CINP: variants seen among roughly 807,000 people sequenced by gnomAD.
CINP encodes the protein cyclin dependent kinase 2 interacting protein, also known as cyclin-dependent kinase 2-interacting protein.
CINP carries 11 observed loss-of-function variants against 20.5 expected under a neutral mutation model. That is an observed-to-expected ratio of 0.54 (90% CI 0.34 to 0.89). The LOEUF (loss-of-function observed/expected upper bound fraction) is 0.89. Among genes scored for constraint, CINP ranks in the 40% least tolerant of loss-of-function variants. CINP has a pLI of 0.02. For synonymous variants in CINP, 108 were observed against 102.1 expected, an observed-to-expected ratio of 1.06 and a Z score of -0.35; for missense variants, 213 against 251.0, an observed-to-expected ratio of 0.85 and a Z score of 1.02.
In CINP at chr14:102,359,960, T is replaced by C. The variant is rs148001635; in HGVS notation, c.8-373A>G. Among the ~76,000 whole-genome samples, 211 of 152,250 alleles carry C rather than the reference T, an allele frequency of 1.4e-3. 1 individual carries two copies. Among genetic ancestry groups the C allele is most frequent in the African/African-American group, 4.9e-3 (204 of 41,538 alleles). ...GGATAATCTAGCCCTGACTCCCGAG[T>C]ACTTCCACTATCTAGTCTCAGGCAC... is the stretch of plus-strand genomic sequence containing the variant. On this transcript the variant is annotated intron_variant, in intron 1 of 4. Coordinates refer to ENST00000216756, the MANE Select transcript of CINP (RefSeq NM_032630.3).
chr14:102,355,001 G>A (rs549383771), intron 3 of CINP, among the ~76,000 whole-genome samples: 39 of 151,736 alleles, frequency 2.6e-4, no homozygotes, highest in African/African-American at 7.3e-4. Flanking sequence ...CCTGGGAGGC[G>A]GAGTTTGCAG....
intron 1 of CINP, chr14:102,362,597 C>T (rs1339577885): frequency 5.7e-6 from 4 of 707,952 alleles, no homozygotes; most frequent in Non-Finnish European, 7.8e-6. Flanking sequence ...GATCTGCTGA[C>T]ACTCATTTGC....
rs148723798 is a variant in CINP, at chr14:102,348,660, G to T, written c.536C>A (p.Thr179Asn). Residue 179 changes from threonine to asparagine, a missense_variant, in exon 5 of 5, where the codon ACC becomes AAC. By Grantham distance (65) the Thr-to-Asn change is moderately conservative. Coordinates refer to ENST00000216756, the MANE Select transcript of CINP (RefSeq NM_032630.3). ...ELAHTGDPDL[T>N]LSYLSMWLHQ... ...CAGCCACATGGACAGGTAGCTCAGG[G>T]TGAGGTCGGGATCCCCGGTGTGGGC... 6.4e-5 allele frequency: 104 copies of T among 1,613,994 alleles called. No homozygotes were observed. Among genetic ancestry groups the T allele is most frequent in the African/African-American group, 1.1e-4 (8 of 74,954 alleles).
At position 102,348,707 on chromosome 14, in the gene CINP, CT is replaced by C; in HGVS notation, c.488del (p.Lys163SerfsTer18). 6.2e-7 allele frequency: 1 copy of C among 1,613,924 alleles called. No homozygotes were observed. On this transcript the variant is annotated frameshift_variant, in exon 5 of 5. Coordinates refer to ENST00000216756, the MANE Select transcript of CINP (RefSeq NM_032630.3). LOFTEE classifies it high-confidence loss of function. ...LEMYRKELLL[K>X]RTVAKELAHT... The stretch of plus-strand genomic sequence containing the variant: ...GGGCAAGCTCCTTGGCCACCGTGCG[CT>C]TCAGGAGCAGCTCCTTCCTGTACAT...
At chr14:102,359,256 A>AT (rs1887077778) in intron 2 of CINP, among the ~76,000 whole-genome samples, 163 bp downstream of exon 2, 1 of 144,158 alleles carries the variant, frequency 6.9e-6, no homozygotes, top group Admixed American at 7.0e-5. Flanking sequence ...ATATATATGG[A>AT]ATATAATTTT....
chr14:102,359,192 C>T (rs1425239762), intron 2 of CINP, among the ~76,000 whole-genome samples: 2 of 128,714 alleles, frequency 1.6e-5, no homozygotes, highest in East Asian at 2.1e-4. Flanking sequence ...CAGAGTGAGA[C>T]TTCATCTCCA....
chr14:102,350,227 A>G (rs1886837049), intron 3 of CINP, among the ~76,000 whole-genome samples, 179 bp from the exon 4 acceptor site: 1 of 152,198 alleles, frequency 6.6e-6, no homozygotes, highest in Non-Finnish European at 1.5e-5. Context: ...GACAGTTGCT[A>G]TGATTTCATT....
intron 2 of CINP, among the ~76,000 whole-genome samples, chr14:102,357,174 A>G (rs1369055323): frequency 6.6e-6 from 1 of 152,126 alleles, no homozygotes; most frequent in Non-Finnish European, 1.5e-5. Flanking sequence ...TGAGCTCAGG[A>G]ATTCAAGACC....
At chr14:102,361,806 T>C (rs1374081040) in intron 1 of CINP, among the ~76,000 whole-genome samples, 1 of 152,210 alleles carries the variant, frequency 6.6e-6, no homozygotes, top group Non-Finnish European at 1.5e-5. Context: ...AGCAATGAGC[T>C]CTGGATAGGG....
chr14:102,362,866 T>G lies in CINP; in HGVS notation c.-15A>C, dbSNP rs1476254135. 4 of 1,613,900 alleles carry G rather than the reference T, an allele frequency of 2.5e-6. No homozygotes were observed. In the Admixed American group the frequency reaches 5.0e-5, roughly 20 times the overall value. ...GCACCTTCCATAAGGTCCACAGATA[T>G]CCGTAGAAGGAGACGCGAAGCCCCG... On this transcript the variant is annotated 5_prime_UTR_variant, in exon 1 of 5. Transcript: ENST00000216756.
At chr14:102,349,824 C>A in intron 4 of CINP, 95 bp downstream of exon 4, 4 of 1,428,232 alleles carry the variant, frequency 2.8e-6, no homozygotes, top group Non-Finnish European at 3.9e-6. Context: ...AATTTGAAAG[C>A]CTTGTCAGCT....
chr14:102,355,239 G>A (rs1886970384), intron 3 of CINP, among the ~76,000 whole-genome samples: 1 of 152,034 alleles, frequency 6.6e-6, no homozygotes, highest in Non-Finnish European at 1.5e-5. Context: ...CTCTGTGGCT[G>A]GGCGTGGTAG....
At chr14:102,360,989 A>C (rs1294803962) in intron 1 of CINP, among the ~76,000 whole-genome samples, 2 of 152,212 alleles carry the variant, frequency 1.3e-5, no homozygotes, top group African/African-American at 4.8e-5. Context: ...ATTGAATGAG[A>C]CGGACCAGGA....
intron 1 of CINP, 106 bp from the exon 2 acceptor site, chr14:102,359,693 T>C: frequency 1.4e-6 from 1 of 727,388 alleles, no homozygotes; most frequent in Non-Finnish European, 2.2e-6. Context: ...TGAAATGCTG[T>C]ATCAACTGGA....
intron 3 of CINP, among the ~76,000 whole-genome samples, chr14:102,354,459 A>G (rs1886949145): frequency 6.6e-6 from 1 of 152,210 alleles, no homozygotes; most frequent in Admixed American, 6.5e-5. Context: ...TCGGTGTCCA[A>G]AGATAAAGAT....
intron 2 of CINP, among the ~76,000 whole-genome samples, chr14:102,359,130 G>A (rs1032110106): frequency 1.3e-5 from 2 of 151,090 alleles, no homozygotes; most frequent in East Asian, 1.9e-4. Context: ...GAACCCAGGC[G>A]GTAGAGGTTG....
At position 102,351,066 on chromosome 14, in the gene CINP, C is replaced by T. The variant is rs547484543; in HGVS notation, c.307-1018G>A. Among the ~76,000 whole-genome samples the T allele has an allele frequency of 6.6e-5, 10 of 152,108 alleles. No homozygotes were observed. Among genetic ancestry groups the T allele is most frequent in the Admixed American group, 3.9e-4 (6 of 15,256 alleles). Reference sequence around the variant, plus strand: ...GTCTTGATCTCCTGAACTCGTGATCCGCCCACCTCGGCCGCCCAAAGTGCT... The same window carrying T: ...GTCTTGATCTCCTGAACTCGTGATCTGCCCACCTCGGCCGCCCAAAGTGCT... On this transcript the variant is annotated intron_variant, in intron 3 of 4. Coordinates refer to ENST00000216756, the MANE Select transcript of CINP (RefSeq NM_032630.3). This position sits in a 1 kb window ranked among gnomAD's most constrained non-coding sequence, Gnocchi z 4.2.
chr14:102,349,448 A>T (rs553666744), intron 4 of CINP, among the ~76,000 whole-genome samples: 1 of 152,278 alleles, frequency 6.6e-6, no homozygotes, highest in Non-Finnish European at 1.5e-5. Flanking sequence ...TAAAAGCTAA[A>T]AGTAACCCTT....
chr14:102,359,715 G>T, intron 1 of CINP, 128 bp from the exon 2 acceptor site: 2 of 571,350 alleles, frequency 3.5e-6, no homozygotes, highest in East Asian at 3.1e-5. Context: ...AAATAAATGT[G>T]GAAACTACAA....
Sources: gnomAD v4.1 joint callset for allele counts (sites outside exome capture counted in the v4.1 genomes callset) on GRCh38, gnomAD v4.1.1 for gene constraint, Gnocchi (gnomAD v3.1) non-coding constraint, MANE v1.5 for transcripts, NCBI Gene and HGNC (gene_info 2026-07-23, HGNC 2026-07-21) for gene names.